Variants in ITPRID1 observed in about 807,000 individuals in gnomAD.
ITPRID1 encodes the protein protein ITPRID1.
In ITPRID1, 96 loss-of-function variants were observed where a neutral mutation model predicts 95.4. That is an observed-to-expected ratio of 1.01 (90% CI 0.85 to 1.19). ITPRID1 has a LOEUF of 1.19. Ranked by LOEUF, ITPRID1 falls within the 50% of genes most tolerant of loss-of-function variation. The pLI, the probability that ITPRID1 is intolerant of heterozygous loss-of-function variation, is 0.00. For missense variants in ITPRID1, 1,339 were observed against 1,252.9 expected, an observed-to-expected ratio of 1.07 and a Z score of -1.04; for synonymous variants, 510 against 453.6, an observed-to-expected ratio of 1.12 and a Z score of -1.58.
chr7:31,599,639 TTCTTTCTTTTTCTTTCTTTCCTTTC>T (rs1786280856), intron 10 of ITPRID1, among the ~76,000 whole-genome samples: 2 of 48,594 alleles, frequency 4.1e-5, no homozygotes, highest in Non-Finnish European at 9.4e-5. Context: ...CTTTCTTTCT[TTCTTTCTTTTTCTTTCTTTCCTTTC>T]TCTCTCTCTC....
At chr7:31,622,216 G>A (rs909186297) in intron 10 of ITPRID1, among the ~76,000 whole-genome samples, 5 of 143,956 alleles carry the variant, frequency 3.5e-5, no homozygotes, top group Admixed American at 7.1e-5. Flanking sequence ...AGTCAACAAG[G>A]ATACCCAGGA....
At chr7:31,562,068 AAAG>A (rs1415644984) in intron 5 of ITPRID1, among the ~76,000 whole-genome samples, 9 of 134,554 alleles carry the variant, frequency 6.7e-5, no homozygotes, top group African/African-American at 2.4e-4. Context: ...AAAAAAAAAA[AAAG>A]CCTGGAGAGA....
At chr7:31,595,043 G>A (rs1347478998) in intron 10 of ITPRID1, among the ~76,000 whole-genome samples, 1 of 147,282 alleles carries the variant, frequency 6.8e-6, no homozygotes, top group African/African-American at 2.5e-5. Context: ...CTAACAACAT[G>A]TAAATGCAAA....
At chr7:31,598,405 T>TC (rs1326848249) in intron 10 of ITPRID1, among the ~76,000 whole-genome samples, 1 of 135,642 alleles carries the variant, frequency 7.4e-6, no homozygotes. Context: ...TTTCTTTTTT[T>TC]TTTTTTTTTT....
chr7:31,536,857 A>C (rs1562554235), intron 1 of ITPRID1, among the ~76,000 whole-genome samples: 1 of 152,102 alleles, frequency 6.6e-6, no homozygotes, highest in Non-Finnish European at 1.5e-5. Context: ...GCACCTTACA[A>C]GTCATTTCTC....
At chr7:31,519,618 C>CTATATATATATATATATATATA (rs1436134437) in intron 1 of ITPRID1, among the ~76,000 whole-genome samples, 2 of 31,694 alleles carry the variant, frequency 6.3e-5, no homozygotes, top group Admixed American at 4.2e-4. Context: ...CTCTCTCTCT[C>CTATATATATATATATATATATA]TCTATATATA....
At chr7:31,658,424 T>G (rs7791685), downstream of ITPRID1, 3 of 1,475,776 alleles carry the variant, frequency 2.0e-6, no homozygotes, top group Non-Finnish European at 1.8e-6. Context: ...ATAATCAGTT[T>G]CCAGAGTATA....
At chr7:31,543,313 A>G (rs980474427) in intron 1 of ITPRID1, among the ~76,000 whole-genome samples, 4 of 152,130 alleles carry the variant, frequency 2.6e-5, no homozygotes, top group Admixed American at 6.6e-5. Context: ...TACATGCACT[A>G]AAAGTGGCAA....
chr7:31,551,245 AG>A lies in ITPRID1; in HGVS notation c.-24+1748del, dbSNP rs1260567961. Among the ~76,000 whole-genome samples, 2 of 143,800 alleles carry A rather than the reference AG, an allele frequency of 1.4e-5. 1 individual carries two copies. Among genetic ancestry groups the A allele is most frequent in the Admixed American group, 1.4e-4 (2 of 14,238 alleles). The allele number at this position is 143,800 out of a possible 152,430, so 94.3% of individuals were successfully genotyped here. A position where few individuals can be genotyped will look rare whatever the true frequency, so the allele number is the denominator to read the frequency against. On this transcript the variant is annotated intron_variant, in intron 2 of 14. Coordinates refer to ENST00000615280, the MANE Select transcript of ITPRID1 (RefSeq NM_001257967.3). ...ATTAGCATTCATGCTCACAAGATAA[AG>A]GCACTGCTGAAGAGTTATGTGTTTC...
At chr7:31,632,362 C>T (rs1789084758) in intron 10 of ITPRID1, among the ~76,000 whole-genome samples, 1 of 152,094 alleles carries the variant, frequency 6.6e-6, no homozygotes. Context: ...ACAGGAGAAT[C>T]GCTTGAACCC....
intron 5 of ITPRID1, 67 bp from the exon 6 acceptor site, chr7:31,569,691 G>T: frequency 7.2e-7 from 1 of 1,391,030 alleles, no homozygotes; most frequent in Non-Finnish European, 9.9e-7. Context: ...GTTTCATTTG[G>T]GGTTGAGAAA....
Position 31,530,258 on chromosome 7 carries a change from T to G in ITPRID1, c.-98+16138T>G, listed in dbSNP as rs188668566. On this transcript the variant is annotated intron_variant, in intron 1 of 14. Transcript: ENST00000615280. ...CTTTGTACTTAGGACTTTTTTTGTC[T>G]TTCTTGCTTACCTGAAGGAGGCTTA... is the stretch of plus-strand genomic sequence containing the variant. Among the ~76,000 whole-genome samples, 269 of 152,336 alleles carry G rather than the reference T, an allele frequency of 1.8e-3. 1 individual carries two copies. Among genetic ancestry groups the G allele is most frequent in the African/African-American group, 6.2e-3 (257 of 41,574 alleles).
intron 10 of ITPRID1, among the ~76,000 whole-genome samples, chr7:31,608,972 T>A (rs998654435): frequency 6.6e-6 from 1 of 151,750 alleles, no homozygotes; most frequent in African/African-American, 2.4e-5. Flanking sequence ...TTTGTAGATG[T>A]CTTTTATAGG....
chr7:31,652,992 C>G lies in ITPRID1; in HGVS notation c.*163C>G. 4 of 1,434,316 alleles carry G rather than the reference C, an allele frequency of 2.8e-6. No homozygotes were observed. The South Asian group carries it at 4.5e-5, about 16-fold the overall frequency. 88.8% of individuals were successfully genotyped at this position (1,434,316 alleles called of 1,614,324 possible). ...AAACCCAAGAGGAGTTTAGAATACT[C>G]TAATACTCATTCAGTATAGAATAAC... On this transcript the variant is annotated 3_prime_UTR_variant, in exon 15 of 15. Transcript: ENST00000615280.
In ITPRID1 at chr7:31,654,206, A is replaced by G. The variant is rs1791179951; in HGVS notation, c.*1377A>G. Reference sequence around the variant, plus strand: ...GGAAGGCCTTGCTAAAGGGAAGGCTATTTGGGTAAGACTTGAAAGGTGAGG... The same window carrying G: ...GGAAGGCCTTGCTAAAGGGAAGGCTGTTTGGGTAAGACTTGAAAGGTGAGG... On this transcript the variant is annotated 3_prime_UTR_variant, in exon 15 of 15. Coordinates refer to ENST00000615280, the MANE Select transcript of ITPRID1 (RefSeq NM_001257967.3). 6.6e-6 allele frequency among the ~76,000 whole-genome samples: 1 copy of G among 152,200 alleles called. No individual in the cohort carries two copies. The highest frequency in any genetic ancestry group is 1.5e-5 in the Non-Finnish European group (1 of 68,032).
intron 10 of ITPRID1, among the ~76,000 whole-genome samples, chr7:31,636,141 G>C (rs1395691467): frequency 6.6e-6 from 1 of 151,988 alleles, no homozygotes; most frequent in Non-Finnish European, 1.5e-5. Context: ...AATAGCATGG[G>C]GGTGGCAAAC....
chr7:31,621,183 G>A (rs1001948639), intron 10 of ITPRID1, among the ~76,000 whole-genome samples: 1 of 152,170 alleles, frequency 6.6e-6, no homozygotes, highest in Non-Finnish European at 1.5e-5. Flanking sequence ...AAAACAATCT[G>A]CAGGATATTA....
At chr7:31,521,904 ATTTTTTTTTT>A (rs55777151) in intron 1 of ITPRID1, among the ~76,000 whole-genome samples, 5 of 119,012 alleles carry the variant, frequency 4.2e-5, no homozygotes, top group African/African-American at 1.7e-4. Flanking sequence ...GGCTAATTTA[ATTTTTTTTTT>A]TTTTTTTTTT....
Position 31,625,328 on chromosome 7 carries a change from T to C in ITPRID1, c.1229-16848T>C, listed in dbSNP as rs1406540643. Among the ~76,000 whole-genome samples the C allele has an allele frequency of 3.3e-5, 5 of 151,972 alleles. 1 individual carries two copies. Among genetic ancestry groups the C allele is most frequent in the African/African-American group, 1.2e-4 (5 of 41,290 alleles). ...CTATAAAGACACATGCACTCATATG[T>C]TTATTGCGGCACTATTCACAATAGC... On this transcript the variant is annotated intron_variant, in intron 10 of 14. Coordinates refer to ENST00000615280, the MANE Select transcript of ITPRID1 (RefSeq NM_001257967.3).
Sources: gnomAD v4.1 joint callset for allele counts (sites outside exome capture counted in the v4.1 genomes callset) on GRCh38, gnomAD v4.1.1 for gene constraint, MANE v1.5 for transcripts, NCBI Gene and HGNC (gene_info 2026-07-23, HGNC 2026-07-21) for gene names.